USP24: variants seen among roughly 807,000 people sequenced by gnomAD.
USP24 encodes ubiquitin carboxyl-terminal hydrolase 24.
USP24 carries 97 observed loss-of-function variants against 361.6 expected under a neutral mutation model. The ratio of observed to expected loss-of-function variants is 0.27; its 90% CI spans 0.23 to 0.32. The LOEUF (loss-of-function observed/expected upper bound fraction) is 0.32, where lower values mean the gene tolerates loss of function less well. Ranked by LOEUF, USP24 falls within the 10% of genes least tolerant of loss-of-function variation. The pLI is 1.00. For missense variants in USP24, 2,353 were observed against 3,165.6 expected (o/e 0.74, Z 6.16); for synonymous variants, 1,098 against 1,124.6 (o/e 0.98, Z 0.47).
At chr1:55,131,332 T>C (rs981993009) in intron 31 of USP24, among the ~76,000 whole-genome samples, 1 of 152,202 alleles carries the variant, frequency 6.6e-6, no homozygotes, top group Admixed American at 6.5e-5. Context: ...ATAATCTAAA[T>C]AGAAAGCACT....
At chr1:55,075,649 A>C in intron 62 of USP24, 126 bp from the exon 63 acceptor site, 1 of 500,522 alleles carries the variant, frequency 2.0e-6, no homozygotes, top group South Asian at 2.2e-5. Flanking sequence ...CAACAACAAC[A>C]ACAACAACAA....
At chr1:55,209,273 C>G (rs947654521) in intron 1 of USP24, among the ~76,000 whole-genome samples, 1 of 150,408 alleles carries the variant, frequency 6.6e-6, no homozygotes, top group East Asian at 1.9e-4. Context: ...CTTTTTTTTT[C>G]TTTTTAAAAG....
intron 39 of USP24, among the ~76,000 whole-genome samples, chr1:55,109,302 C>G (rs912131696): frequency 3.9e-5 from 6 of 152,152 alleles, no homozygotes; most frequent in African/African-American, 1.2e-4. Flanking sequence ...CAGACACTTA[C>G]GAAACTGATG....
In USP24 at chr1:55,072,395, T is replaced by C; in HGVS notation, c.7611A>G (p.Glu2537=). The change falls in exon 66 of 68, where the codon GAA becomes GAG. Residue 2537 remains glutamate (E), a synonymous_variant. Transcript: ENST00000294383. ...CATTACTCTGTGGTGTCCAGTAATG[T>C]TCTGACATCTGAGATGAAAGGTCAA... ...AVQWLQKKMS[E]HYWTPQSNVS... 1.2e-6 allele frequency: 2 copies of C among 1,612,618 alleles called. No individual in the cohort carries two copies. Among genetic ancestry groups the C allele is most frequent in the East Asian group, 2.2e-5 (1 of 44,850 alleles).
chr1:55,115,420 T>C (rs523766), intron 38 of USP24, among the ~76,000 whole-genome samples: 143,566 of 145,886 alleles, frequency 0.98, 70,669 homozygotes, highest in East Asian at 1. Flanking sequence ...GGCATGAACC[T>C]GGGAGGCGGA....
chr1:55,119,293 T>C (rs545755023), intron 38 of USP24, among the ~76,000 whole-genome samples: 29 of 152,338 alleles, frequency 1.9e-4, no homozygotes, highest in African/African-American at 6.7e-4. Context: ...AAGGACATTA[T>C]GCTAAGTGAA....
rs1570320511 is a variant in USP24, at chr1:55,068,904, G to A, written c.*141C>T. 5.8e-6 allele frequency: 5 copies of A among 860,882 alleles called. No homozygotes were observed. In the East Asian group the frequency reaches 1.3e-4, roughly 22 times the overall value. The allele number at this position is 860,882 out of a possible 1,614,324, so 53.3% of individuals were successfully genotyped here. ...AGTGGCTTAAAAATGCTTTCCTTGA[G>A]AAATACACGATCCGCCCAAGTCACA... On this transcript the variant is annotated 3_prime_UTR_variant, in exon 68 of 68. Coordinates refer to ENST00000294383, the MANE Select transcript of USP24 (RefSeq NM_015306.3).
In USP24 at chr1:55,166,744, G is replaced by A. The variant is rs560617651; in HGVS notation, c.826-141C>T. ...TATTTTCAAAGTTTTTTTCCCAAAC[G>A]CTTCCTAAGATGTCTTTAACATTAC... On this transcript the variant is annotated intron_variant, in intron 5 of 67. Transcript: ENST00000294383. 8.1e-4 allele frequency: 638 copies of A among 788,362 alleles called. 12 individuals are homozygous for A. The South Asian group carries it at 0.01, about 13-fold the overall frequency. 48.8% of individuals were successfully genotyped at this position (788,362 alleles called of 1,614,324 possible).
intron 1 of USP24, among the ~76,000 whole-genome samples, chr1:55,178,763 T>C (rs1290277061): frequency 6.6e-6 from 1 of 151,712 alleles, no homozygotes; most frequent in African/African-American, 2.4e-5. Flanking sequence ...TGGTGGCTCA[T>C]GCCTGTAACC....
intron 38 of USP24, among the ~76,000 whole-genome samples, chr1:55,117,048 T>C (rs114812891): frequency 3.9e-5 from 6 of 152,194 alleles, no homozygotes; most frequent in Admixed American, 3.9e-4. Flanking sequence ...CGAAAATCTA[T>C]GTAATCTCAT....
chr1:55,098,415 A>G, intron 46 of USP24, 61 bp downstream of exon 46: 1 of 1,451,192 alleles, frequency 6.9e-7, no homozygotes, highest in Non-Finnish European at 9.5e-7. Context: ...TTTACAACAT[A>G]CTAAACAAAT....
chr1:55,158,524 C>A (rs1647928297), intron 10 of USP24, among the ~76,000 whole-genome samples: 1 of 152,074 alleles, frequency 6.6e-6, no homozygotes, highest in Non-Finnish European at 1.5e-5. Context: ...AGTTTTTGTC[C>A]CAACCCCAGT....
chr1:55,070,181 C>T (rs191814705), intron 67 of USP24, among the ~76,000 whole-genome samples: 20 of 151,924 alleles, frequency 1.3e-4, no homozygotes, highest in East Asian at 1.9e-4. Flanking sequence ...CTTTGGTGGG[C>T]GCAGGGAGGA....
intron 1 of USP24, among the ~76,000 whole-genome samples, chr1:55,197,580 C>T (rs1269950362): frequency 2.0e-5 from 3 of 152,294 alleles, no homozygotes; most frequent in African/African-American, 7.2e-5. Context: ...TAAAGCACTA[C>T]CTTCATAACA....
intron 1 of USP24, among the ~76,000 whole-genome samples, chr1:55,180,547 A>G (rs1643936024): frequency 6.6e-6 from 1 of 152,168 alleles, no homozygotes; most frequent in South Asian, 2.1e-4. Context: ...TGGAGCAGAG[A>G]TAAACTGCTG....
intron 48 of USP24, among the ~76,000 whole-genome samples, 188 bp from the exon 49 acceptor site, chr1:55,097,360 C>A (rs1310917130): frequency 1.3e-5 from 2 of 152,042 alleles, no homozygotes; most frequent in Non-Finnish European, 2.9e-5. Context: ...CTGGTTTGAG[C>A]CCTAAGGAAG....
chr1:55,089,283 T>C (rs1050004045), intron 55 of USP24, among the ~76,000 whole-genome samples: 77 of 152,196 alleles, frequency 5.1e-4, no homozygotes, highest in African/African-American at 1.7e-3. Context: ...TGTGTGGTAC[T>C]CTGGGATTGT....
rs1197760149 is a variant in USP24 at position 55,134,121 on chromosome 1, A to C, written c.3330T>G (p.Thr1110=). 1.2e-6 allele frequency: 2 copies of C among 1,613,814 alleles called. No individual in the cohort carries two copies. Among genetic ancestry groups the C allele is most frequent in the South Asian group, 1.1e-5 (1 of 91,076 alleles). The part of the protein sequence containing the change: ...RVRKLLLLIP[T]DPAIQEALDQ... Reference sequence around the variant, plus strand: ...CAAGGGCTTCCTGAATGGCTGGATCAGTGGGTATCAAGAGCAGAAGCTTCC... The same window carrying C: ...CAAGGGCTTCCTGAATGGCTGGATCCGTGGGTATCAAGAGCAGAAGCTTCC... The change falls in exon 30 of 68, where the codon ACT becomes ACG. Residue 1110 remains threonine, a synonymous_variant. Coordinates refer to ENST00000294383, the MANE Select transcript of USP24 (RefSeq NM_015306.3).
At chr1:55,101,738 A>G in intron 42 of USP24, 35 bp from the exon 43 acceptor site, 1 of 1,542,470 alleles carries the variant, frequency 6.5e-7, no homozygotes, top group Non-Finnish European at 8.7e-7. Flanking sequence ...GCAGAGGAGA[A>G]GAATGAGCAT....
Sources: gnomAD v4.1 joint callset for allele counts (sites outside exome capture counted in the v4.1 genomes callset) on GRCh38, gnomAD v4.1.1 for gene constraint, MANE v1.5 for transcripts, NCBI Gene and HGNC (gene_info 2026-07-23, HGNC 2026-07-21) for gene names.